EPB41L2: variants seen among roughly 807,000 people sequenced by gnomAD.
EPB41L2 encodes band 4.1-like protein 2.
EPB41L2 carries 43 observed loss-of-function variants against 113.0 expected under a neutral mutation model. The observed-to-expected ratio is 0.38, with a 90% CI of 0.30 to 0.49. EPB41L2 has a LOEUF of 0.49. EPB41L2 is among the 20% of genes least tolerant of loss of function. The pLI is 0.95. For synonymous variants in EPB41L2, 442 were observed against 436.7 expected (o/e 1.01, Z -0.15); for missense variants, 1,147 against 1,223.4 (o/e 0.94, Z 0.93).
At chr6:130,904,148 G>T (rs1182073604) in intron 6 of EPB41L2, among the ~76,000 whole-genome samples, 3 of 152,066 alleles carry the variant, frequency 2.0e-5, no homozygotes, top group African/African-American at 7.2e-5. Context: ...CAATAAAAAT[G>T]ACCTTGGTAT....
intron 1 of EPB41L2, among the ~76,000 whole-genome samples, chr6:131,022,075 C>T (rs1238828568): frequency 6.6e-6 from 1 of 151,978 alleles, no homozygotes; most frequent in Non-Finnish European, 1.5e-5. Flanking sequence ...CAGTGGGACC[C>T]CTGGACTTGT....
intron 1 of EPB41L2, among the ~76,000 whole-genome samples, chr6:130,967,887 T>TA (rs1775735124): frequency 6.6e-6 from 1 of 152,182 alleles, no homozygotes; most frequent in Non-Finnish European, 1.5e-5. Flanking sequence ...GCCACCCCCC[T>TA]ATTAATGCTC....
At chr6:130,857,496 A>AT (rs1780616126) in intron 19 of EPB41L2, among the ~76,000 whole-genome samples, 1 of 145,826 alleles carries the variant, frequency 6.9e-6, no homozygotes, top group South Asian at 2.2e-4. Flanking sequence ...ATTTATTTCC[A>AT]TTTTTACACA....
chr6:131,007,265 G>A (rs1032447629), intron 1 of EPB41L2, among the ~76,000 whole-genome samples: 2 of 152,076 alleles, frequency 1.3e-5, no homozygotes. Flanking sequence ...GTTTTATAAG[G>A]GGCTTCCCCC....
chr6:131,022,296 C>A (rs1173495334), intron 1 of EPB41L2, among the ~76,000 whole-genome samples: 1 of 152,074 alleles, frequency 6.6e-6, no homozygotes, highest in Non-Finnish European at 1.5e-5. Flanking sequence ...GCTGTGCAGT[C>A]CATGGCCTGG....
At chr6:130,980,280 A>C (rs1161493872) in intron 1 of EPB41L2, among the ~76,000 whole-genome samples, 4 of 152,162 alleles carry the variant, frequency 2.6e-5, no homozygotes, top group African/African-American at 9.7e-5. Context: ...ATAACTACAA[A>C]AAGTCTAGGA....
intron 1 of EPB41L2, among the ~76,000 whole-genome samples, chr6:130,985,461 G>A (rs1562663901): frequency 6.6e-6 from 1 of 152,106 alleles, no homozygotes; most frequent in Admixed American, 6.5e-5. Context: ...CCAGTGCGTG[G>A]GACAAGAACT....
At chr6:130,880,460 C>T (rs1583015770) in intron 12 of EPB41L2, 4 of 655,672 alleles carry the variant, frequency 6.1e-6, no homozygotes, top group African/African-American at 3.6e-5. Flanking sequence ...CCACCTCTTC[C>T]AGCTGCGTTT....
At chr6:130,922,556 G>T (rs1424031994) in intron 4 of EPB41L2, among the ~76,000 whole-genome samples, 1 of 152,114 alleles carries the variant, frequency 6.6e-6, no homozygotes, top group Non-Finnish European at 1.5e-5. Flanking sequence ...TTATTGGCTA[G>T]GTGACCTTGG....
intron 14 of EPB41L2, among the ~76,000 whole-genome samples, chr6:130,876,275 G>A (rs11154610): frequency 0.21 from 32,006 of 152,038 alleles, 3,981 homozygotes; most frequent in African/African-American, 0.33. Context: ...AACTCAAAAG[G>A]TTTCCATATG....
rs183385460 is a variant in EPB41L2 at position 130,883,760 on chromosome 6, A to G, written c.1833+1336T>C. 2.3e-4 allele frequency among the ~76,000 whole-genome samples: 35 copies of G among 152,290 alleles called. No homozygotes were observed. In the East Asian group the frequency reaches 6.4e-3, roughly 28 times the overall value. ...ATTGAAAGAAACCTTGTTGGTCACA[A>G]TTTCTGTTATTTTTATCTGAATTCC... is the stretch of plus-strand genomic sequence containing the variant. On this transcript the variant is annotated intron_variant, in intron 12 of 19. Transcript: ENST00000337057.
At chr6:130,860,634 A>G (rs1042380803) in intron 18 of EPB41L2, among the ~76,000 whole-genome samples, 6 of 151,962 alleles carry the variant, frequency 3.9e-5, no homozygotes, top group Non-Finnish European at 7.4e-5. Context: ...CCGGGTTCAC[A>G]CCATTCTCCT....
intron 1 of EPB41L2, among the ~76,000 whole-genome samples, chr6:130,966,472 TG>T (rs1775218877): frequency 6.6e-6 from 1 of 151,914 alleles, no homozygotes; most frequent in South Asian, 2.1e-4. Flanking sequence ...GCAAAGCGTG[TG>T]GGAGATACAC....
chr6:130,974,906 C>T (rs1449471443), intron 1 of EPB41L2, among the ~76,000 whole-genome samples: 2 of 151,340 alleles, frequency 1.3e-5, no homozygotes, highest in Admixed American at 6.6e-5. Context: ...TACAGGTGCC[C>T]GCCACCACAC....
intron 1 of EPB41L2, among the ~76,000 whole-genome samples, chr6:131,060,639 T>C (rs1354153800): frequency 5.9e-5 from 9 of 152,182 alleles, no homozygotes; most frequent in Non-Finnish European, 1.0e-4. Context: ...CAAAACTCAT[T>C]TGGAAACCTC....
chr6:131,025,775 G>A (rs1049958279), intron 1 of EPB41L2, among the ~76,000 whole-genome samples: 4 of 152,186 alleles, frequency 2.6e-5, no homozygotes, highest in African/African-American at 9.7e-5. Context: ...CGTACAAGCA[G>A]CAAAGCAAGC....
chr6:130,884,164 G>A (rs1333953971), intron 12 of EPB41L2, among the ~76,000 whole-genome samples: 1 of 151,918 alleles, frequency 6.6e-6, no homozygotes, highest in Admixed American at 6.6e-5. Flanking sequence ...GTGAAACCCC[G>A]TCTCTCTAAA....
chr6:130,927,024 T>C (rs145521954), intron 3 of EPB41L2, among the ~76,000 whole-genome samples: 291 of 152,338 alleles, frequency 1.9e-3, no homozygotes, highest in African/African-American at 6.4e-3. Flanking sequence ...ATGTTCAAAC[T>C]GCTTCCATCA....
chr6:130,985,689 A>G (rs1254910157), intron 1 of EPB41L2, among the ~76,000 whole-genome samples: 1 of 152,180 alleles, frequency 6.6e-6, no homozygotes, highest in African/African-American at 2.4e-5. Flanking sequence ...AGAATTATAC[A>G]CAAAGATAAA....
Sources: allele counts gnomAD v4.1 joint callset (sites outside exome capture counted in the v4.1 genomes callset), GRCh38; gene constraint gnomAD v4.1.1; transcripts MANE v1.5; gene names NCBI Gene and HGNC (gene_info 2026-07-23, HGNC 2026-07-21).